The following TMEM131 variants were observed in gnomAD, a reference collection of about 807,000 sequenced individuals.
TMEM131 encodes 2610524E03Rik.
In TMEM131, 66 loss-of-function variants were observed where a neutral mutation model predicts 211.6. The observed-to-expected ratio is 0.31, with a 90% confidence interval of 0.26 to 0.38. TMEM131 has a LOEUF of 0.38. Ranked by LOEUF, TMEM131 falls within the 10% of genes least tolerant of loss-of-function variation. The probability of loss-of-function intolerance (pLI) is 1.00; values close to 1 mark genes in which losing one functional copy is unlikely to be tolerated. For missense variants in TMEM131, 2,036 were observed against 2,299.3 expected, an observed-to-expected ratio of 0.89 and a Z score of 2.34; for synonymous variants, 844 against 841.3, an observed-to-expected ratio of 1.00 and a Z score of -0.06.
chr2:97,960,299 T>C (rs1383265176), intron 1 of TMEM131, among the ~76,000 whole-genome samples: 3 of 152,226 alleles, frequency 2.0e-5, no homozygotes, highest in African/African-American at 7.2e-5. Flanking sequence ...AATCATTCCT[T>C]GTACATTTAC....
chr2:97,822,038 A>ATCCTATCTC (rs1238848152), intron 11 of TMEM131, among the ~76,000 whole-genome samples: 6 of 152,112 alleles, frequency 3.9e-5, no homozygotes, highest in African/African-American at 1.2e-4. Context: ...TATCCTATCT[A>ATCCTATCTC]TCCTGACCCT....
intron 4 of TMEM131, among the ~76,000 whole-genome samples, chr2:97,865,169 C>G (rs1183044584): frequency 6.6e-6 from 1 of 152,216 alleles, no homozygotes; most frequent in Non-Finnish European, 1.5e-5. Context: ...TGGCCTTCTG[C>G]CCTTCTCAAT....
chr2:97,811,255 C>G, intron 17 of TMEM131, 23 bp from the exon 18 acceptor site: 1 of 1,562,718 alleles, frequency 6.4e-7, no homozygotes, highest in Non-Finnish European at 8.8e-7. Flanking sequence ...GAAATGGTAT[C>G]ATTCATTAGC....
At chr2:97,902,893 G>C (rs990720546) in intron 3 of TMEM131, among the ~76,000 whole-genome samples, 6 of 152,154 alleles carry the variant, frequency 3.9e-5, no homozygotes, top group African/African-American at 7.2e-5. Context: ...TCTCGCCCTT[G>C]AACGCTGGAC....
chr2:97,780,300 A>G (rs1052428045), intron 31 of TMEM131, among the ~76,000 whole-genome samples: 2 of 152,292 alleles, frequency 1.3e-5, no homozygotes, highest in Non-Finnish European at 2.9e-5. Context: ...ATCAATCGGT[A>G]GGAATGGATT....
At chr2:97,815,159 T>A (rs779864395) in intron 13 of TMEM131, 40 bp downstream of exon 13, 2 of 1,114,678 alleles carry the variant, frequency 1.8e-6, no homozygotes, top group Admixed American at 5.6e-5. Context: ...ATTTACTGAT[T>A]AGTAAAAAGT....
At chr2:97,955,302 T>C (rs1031997804) in intron 1 of TMEM131, among the ~76,000 whole-genome samples, 1 of 152,128 alleles carries the variant, frequency 6.6e-6, no homozygotes, top group African/African-American at 2.4e-5. Flanking sequence ...CTCACTAAAA[T>C]AGGAACAAAC....
chr2:97,992,262 T>C (rs1289058876), intron 1 of TMEM131, among the ~76,000 whole-genome samples: 2 of 152,254 alleles, frequency 1.3e-5, no homozygotes, highest in Non-Finnish European at 2.9e-5. Flanking sequence ...CTTAGAAAAC[T>C]ATTAGATTCT....
At chr2:97,892,006 T>C (rs531437351) in intron 3 of TMEM131, among the ~76,000 whole-genome samples, 2 of 152,296 alleles carry the variant, frequency 1.3e-5, no homozygotes, top group Admixed American at 6.5e-5. Flanking sequence ...GCAGTTTAAA[T>C]TGATTTCAAA....
chr2:97,865,143 G>A (rs1573478033), intron 4 of TMEM131, among the ~76,000 whole-genome samples: 1 of 152,222 alleles, frequency 6.6e-6, no homozygotes, highest in Non-Finnish European at 1.5e-5. Flanking sequence ...CACAAGAAGA[G>A]ACAAAGACCA....
intron 3 of TMEM131, among the ~76,000 whole-genome samples, chr2:97,895,349 T>TG (rs1321758401): frequency 6.6e-6 from 1 of 152,232 alleles, no homozygotes; most frequent in Admixed American, 6.5e-5. Flanking sequence ...GATGTGTCTC[T>TG]GCCAGGTTTT....
chr2:97,863,442 C>CAACA, intron 4 of TMEM131, among the ~76,000 whole-genome samples: 1 of 152,084 alleles, frequency 6.6e-6, no homozygotes, highest in Non-Finnish European at 1.5e-5. Flanking sequence ...AGGAAACAAT[C>CAACA]AACAAAGTTA....
At chr2:97,853,971 G>C (rs1005788192) in intron 5 of TMEM131, among the ~76,000 whole-genome samples, 1 of 152,188 alleles carries the variant, frequency 6.6e-6, no homozygotes, top group African/African-American at 2.4e-5. Context: ...CTTAGAGGCA[G>C]GGTTTGAAAG....
At chr2:97,845,733 T>G (rs1413157493) in intron 5 of TMEM131, among the ~76,000 whole-genome samples, 1 of 130,610 alleles carries the variant, frequency 7.7e-6, no homozygotes, top group Non-Finnish European at 1.7e-5. Flanking sequence ...AGAGTAAAAA[T>G]TAATGAAATA....
rs555976235 is a variant in TMEM131, at chr2:97,912,804, A to AGATT, written c.250-4107_250-4106insAATC. ...CCTCACTAGGGTGCAGATTCCAAAT[A>AGATT]ATCTGAGCACAGCTTCTCTCAGAAT... On this transcript the variant is annotated intron_variant, in intron 2 of 40. Transcript: ENST00000186436. Among the ~76,000 whole-genome samples, 49 of 152,278 alleles carry AGATT rather than the reference A, an allele frequency of 3.2e-4. No individual in the cohort carries two copies. The South Asian group carries it at 9.1e-3, about 28-fold the overall frequency.
intron 39 of TMEM131, chr2:97,759,451 T>A (rs1345358922): frequency 1.7e-6 from 1 of 573,388 alleles, no homozygotes; most frequent in Admixed American, 3.0e-5. Context: ...GCGCACACCG[T>A]GTCGAGCCTG....
At chr2:97,992,871 C>T (rs1680325682) in intron 1 of TMEM131, among the ~76,000 whole-genome samples, 1 of 152,184 alleles carries the variant, frequency 6.6e-6, no homozygotes, top group African/African-American at 2.4e-5. Context: ...ATAACAACTT[C>T]TATCTCTGGA....
chr2:97,945,889 C>T (rs1418860498), intron 1 of TMEM131, among the ~76,000 whole-genome samples: 1 of 152,138 alleles, frequency 6.6e-6, no homozygotes, highest in Non-Finnish European at 1.5e-5. Flanking sequence ...TGTAAATTCA[C>T]TTAAATTATG....
rs386390704 is a variant in TMEM131, at chr2:97,949,817, CA to C, written c.188-22331del. ...CCTGGGCGACAGAGTGAGACTGTCT[CA>C]AAAAAAAAAAAAAAAAAAAAAGTCA... On this transcript the variant is annotated intron_variant, in intron 1 of 40. Coordinates refer to ENST00000186436, the MANE Select transcript of TMEM131 (RefSeq NM_015348.2). Among the ~76,000 whole-genome samples, 58 of 66,974 alleles carry C rather than the reference CA, an allele frequency of 8.7e-4. No homozygotes were observed. The South Asian group carries it at 0.015, about 17-fold the overall frequency. 43.9% of individuals were successfully genotyped at this position (66,974 alleles called of 152,430 possible). A position where few individuals can be genotyped will look rare whatever the true frequency, so the allele number is the denominator to read the frequency against.
Sources: allele counts gnomAD v4.1 joint callset (sites outside exome capture counted in the v4.1 genomes callset), GRCh38; gene constraint gnomAD v4.1.1; transcripts MANE v1.5; gene names NCBI Gene and HGNC (gene_info 2026-07-23, HGNC 2026-07-21).